Variants in TF observed in about 807,000 individuals in gnomAD.
The protein encoded by TF is transferrin, also known as serotransferrin.
Under a neutral mutation model 82.4 loss-of-function variants are expected in TF, and 55 were observed. The ratio of observed to expected loss-of-function variants is 0.67; its 90% CI spans 0.54 to 0.84. The LOEUF (loss-of-function observed/expected upper bound fraction) is 0.84, where lower values mean the gene tolerates loss of function less well. Among genes scored for constraint, TF ranks in the 40% least tolerant of loss-of-function variants. The pLI is 0.00. For missense variants in TF, 737 were observed against 868.4 expected (o/e 0.85, Z 1.90); for synonymous variants, 332 against 332.6 (o/e 1.00, Z 0.02).
chr3:133,722,245 T>C, the TF span, among the ~76,000 whole-genome samples: 1 of 151,920 alleles, frequency 6.6e-6, no homozygotes, highest in South Asian at 2.1e-4. Context: ...TTCTGCTTGC[T>C]TCTGGTTTCT....
upstream of TF, among the ~76,000 whole-genome samples, chr3:133,742,547 C>G (rs1933413390): frequency 6.6e-6 from 1 of 152,126 alleles, no homozygotes; most frequent in African/African-American, 2.4e-5. Context: ...AAGTACCCTG[C>G]CCAGTCCCCA....
chr3:133,683,251 G>A, the TF span, among the ~76,000 whole-genome samples: 3 of 152,136 alleles, frequency 2.0e-5, no homozygotes, highest in African/African-American at 7.2e-5. Context: ...GCAAAAACAT[G>A]CCAAATTGTA....
rs2107957114 is a variant in TF at position 133,794,079 on chromosome 3, T to TG, written c.*15460dup. The TG allele has an allele frequency of 6.6e-6, 1 of 152,342 alleles. No homozygotes were observed. The highest frequency in any genetic ancestry group is 1.9e-4 in the East Asian group (1 of 5,194). 9.4% of individuals were successfully genotyped at this position (152,342 alleles called of 1,614,324 possible). A position where few individuals can be genotyped will look rare whatever the true frequency, so the allele number is the denominator to read the frequency against. ...GATAACCCATCAGTTATCAGTGTTA[T>TG]GCACCTAATTTGGGGAAACAACTGG... On this transcript the variant is annotated 3_prime_UTR_variant, in exon 17 of 17. Transcript: ENST00000402696.
In TF at chr3:133,777,058, G is replaced by A; in HGVS notation, c.1882G>A (p.Gly628Arg). ...TCTGTTCACTTGACAGCACCTATTT[G>A]GAAGCAACGTAACTGACTGCTCGGG... Reference protein sequence around the residue: ...KILRQQQHLFGSNVTDCSGNF... With the variant: ...KILRQQQHLFRSNVTDCSGNF... Residue 628 changes from glycine (G) to arginine (R), a missense_variant, in exon 16 of 17, where the codon GGA (glycine) becomes AGA (arginine). Coordinates refer to ENST00000402696, the MANE Select transcript of TF (RefSeq NM_001063.4). 6.2e-7 allele frequency: 1 copy of A among 1,614,126 alleles called. No homozygotes were observed. Among genetic ancestry groups the A allele is most frequent in the Non-Finnish European group, 8.5e-7 (1 of 1,179,998 alleles).
At chr3:133,763,222 G>C (rs1178755460) in intron 9 of TF, among the ~76,000 whole-genome samples, 1 of 152,046 alleles carries the variant, frequency 6.6e-6, no homozygotes, top group Admixed American at 6.6e-5. Context: ...GTGGCTGTTG[G>C]GGGGTGCTTT....
intron 9 of TF, 143 bp downstream of exon 9, chr3:133,759,472 A>G (rs1933928672): frequency 1.0e-6 from 1 of 1,002,542 alleles, no homozygotes; most frequent in South Asian, 1.3e-5. Context: ...GCACAGCCCC[A>G]CCGGAGGTTC....
rs1354125185 is a variant in TF at position 133,781,670 on chromosome 3, A to T, written c.*3050A>T. On this transcript the variant is annotated 3_prime_UTR_variant, in exon 17 of 17. Coordinates refer to ENST00000402696, the MANE Select transcript of TF (RefSeq NM_001063.4). Reference sequence around the variant, plus strand: ...CAACTAAAAAACAAAAGTGAGACAGATAAGAAAAATTCTGATGAGAGTGGA... The same window carrying T: ...CAACTAAAAAACAAAAGTGAGACAGTTAAGAAAAATTCTGATGAGAGTGGA... The T allele has an allele frequency of 6.6e-6, 1 of 152,196 alleles. No homozygotes were observed. Among genetic ancestry groups the T allele is most frequent in the Non-Finnish European group, 1.5e-5 (1 of 68,046 alleles). The allele number at this position is 152,196 out of a possible 1,614,324, so 9.4% of individuals were successfully genotyped here.
chr3:133,684,939 G>C, the TF span, among the ~76,000 whole-genome samples: 1 of 152,174 alleles, frequency 6.6e-6, no homozygotes, highest in Admixed American at 6.5e-5. Context: ...GATGAACATC[G>C]ATGCAAAAAT....
chr3:133,759,031 C>T, intron 8 of TF, 144 bp from the exon 9 acceptor site: 1 of 1,117,318 alleles, frequency 9.0e-7, no homozygotes, highest in Non-Finnish European at 1.3e-6. Context: ...ACTTTGCTTT[C>T]TAAGGTGATT....
At chr3:133,773,920 G>C (rs1934321749) in intron 14 of TF, 1 of 152,288 alleles carries the variant, frequency 6.6e-6, no homozygotes. Context: ...CCTGCCCCCA[G>C]TCTCGCCTGC....
At chr3:133,677,475 A>G in the TF span, among the ~76,000 whole-genome samples, 1 of 152,036 alleles carries the variant, frequency 6.6e-6, no homozygotes, top group Admixed American at 6.6e-5. Context: ...TGTCTCTACT[A>G]AAAATACAAA....
chr3:133,663,921 A>G, the TF span, among the ~76,000 whole-genome samples: 2 of 152,204 alleles, frequency 1.3e-5, no homozygotes, highest in African/African-American at 4.8e-5. Context: ...CTGTCTTTAG[A>G]GTAAGAGTTC....
chr3:133,764,777 G>A (rs1275465049), intron 10 of TF, 98 bp from the exon 11 acceptor site: 1 of 1,234,008 alleles, frequency 8.1e-7, no homozygotes. Context: ...AATTTTCTCT[G>A]ACTTTCTTTA....
Position 133,787,459 on chromosome 3 carries a change from T to G in TF, c.*8839T>G, listed in dbSNP as rs1559884113. On this transcript the variant is annotated 3_prime_UTR_variant, in exon 17 of 17. Coordinates refer to ENST00000402696, the MANE Select transcript of TF (RefSeq NM_001063.4). Reference sequence around the variant, plus strand: ...ATACATGTGCAATTTTATTTTACAGTGCTATGTACACAGTGGAAAGTTATA... The same window carrying G: ...ATACATGTGCAATTTTATTTTACAGGGCTATGTACACAGTGGAAAGTTATA... The G allele has an allele frequency of 6.6e-6, 1 of 152,196 alleles. No individual in the cohort carries two copies. The highest frequency in any genetic ancestry group is 2.1e-4 in the South Asian group (1 of 4,834). The allele number at this position is 152,196 out of a possible 1,614,324, so 9.4% of individuals were successfully genotyped here. A position where few individuals can be genotyped will look rare whatever the true frequency, so the allele number is the denominator to read the frequency against.
At chr3:133,719,606 G>C in the TF span, among the ~76,000 whole-genome samples, 1 of 152,060 alleles carries the variant, frequency 6.6e-6, no homozygotes. Context: ...GGTCTTTAGT[G>C]ATTCCATATA....
At chr3:133,682,778 A>G in the TF span, among the ~76,000 whole-genome samples, 1 of 152,200 alleles carries the variant, frequency 6.6e-6, no homozygotes, top group Non-Finnish European at 1.5e-5. Flanking sequence ...GTTGGAAAAC[A>G]CTCTTCAGGA....
chr3:133,767,899 G>T, intron 12 of TF, 130 bp from the exon 13 acceptor site: 1 of 1,149,368 alleles, frequency 8.7e-7, no homozygotes. Context: ...GTCCTGGGTT[G>T]GTGGTGGCTG....
the TF span, chr3:133,709,670 T>G: frequency 1.3e-5 from 2 of 155,230 alleles, no homozygotes; most frequent in Non-Finnish European, 2.9e-5. Context: ...GTAAATGTGG[T>G]GAGTATGTTC....
chr3:133,703,496 T>G, the TF span, among the ~76,000 whole-genome samples: 22 of 152,326 alleles, frequency 1.4e-4, no homozygotes, highest in African/African-American at 5.3e-4. Flanking sequence ...GAAATTCTAG[T>G]ATCTAGCTTA....
Sources: allele counts gnomAD v4.1 joint callset (sites outside exome capture counted in the v4.1 genomes callset), GRCh38; gene constraint gnomAD v4.1.1; transcripts MANE v1.5; gene names NCBI Gene and HGNC (gene_info 2026-07-23, HGNC 2026-07-21).